Variants in COG4 observed in about 807,000 individuals in gnomAD.
The protein encoded by COG4 is conserved oligomeric Golgi complex subunit 4.
In COG4, 65 loss-of-function variants were observed where a neutral mutation model predicts 95.1. The observed-to-expected ratio is 0.68, with a 90% CI of 0.56 to 0.84. The LOEUF is 0.84. COG4 is among the 40% of genes least tolerant of loss of function. The probability of loss-of-function intolerance (pLI) is 0.00; values close to 1 mark genes in which losing one functional copy is unlikely to be tolerated. For missense variants in COG4, 1,045 were observed against 989.1 expected (o/e 1.06, Z -0.76); for synonymous variants, 421 against 374.8 (o/e 1.12, Z -1.42).
chr16:70,493,328 T>C (rs1043063443), intron 12 of COG4, among the ~76,000 whole-genome samples: 1 of 151,972 alleles, frequency 6.6e-6, no homozygotes, highest in Non-Finnish European at 1.5e-5. Flanking sequence ...ATATTCTAAC[T>C]GCACTGTCTG....
intron 8 of COG4, among the ~76,000 whole-genome samples, chr16:70,506,271 T>C (rs930949975): frequency 1.0e-4 from 15 of 150,010 alleles, no homozygotes; most frequent in Non-Finnish European, 1.9e-4. Flanking sequence ...GGCATGGTGG[T>C]GGGCGACTGT....
chr16:70,500,274 T>G (rs2049420954), intron 9 of COG4, among the ~76,000 whole-genome samples: 1 of 151,932 alleles, frequency 6.6e-6, no homozygotes, highest in South Asian at 2.1e-4. Context: ...CCAGCCCCCT[T>G]TCTTATCAAT....
chr16:70,494,533 C>G (rs2049302597), intron 12 of COG4, among the ~76,000 whole-genome samples: 1 of 152,188 alleles, frequency 6.6e-6, no homozygotes, highest in Non-Finnish European at 1.5e-5. Context: ...TCTGGGGCCT[C>G]AAACAATGAA....
At chr16:70,490,501 G>C in intron 12 of COG4, 109 bp from the exon 13 acceptor site, 1 of 890,686 alleles carries the variant, frequency 1.1e-6, no homozygotes, top group Non-Finnish European at 1.9e-6. Context: ...AGAAGGGCTG[G>C]CTGGAGTTCA....
Position 70,497,360 on chromosome 16 carries a change from C to T in COG4, c.1342G>A (p.Gly448Ser), listed in dbSNP as rs945391392. ...KAVALDTYEK[G>S]QLTSSMVDDV... ...TCCACCATGCTGGATGTCAGCTGGC[C>T]CTTCTCATAGGTGTCCAGAGCCACA... Residue 448 changes from glycine (G) to serine (S), a missense_variant, in exon 11 of 19, where the codon GGC (glycine) becomes AGC (serine). Transcript: ENST00000323786. 1 of 1,613,620 alleles carries T rather than the reference C, an allele frequency of 6.2e-7. No homozygotes were observed. The highest frequency in any genetic ancestry group is 8.5e-7 in the Non-Finnish European group (1 of 1,180,026).
intron 13 of COG4, among the ~76,000 whole-genome samples, chr16:70,486,995 CAA>C (rs72483781): frequency 3.2e-5 from 4 of 124,396 alleles, no homozygotes; most frequent in Non-Finnish European, 5.2e-5. Context: ...AACTTCATCT[CAA>C]AAAAAAAAAA....
chr16:70,497,790 C>T (rs1231314436), intron 10 of COG4, 147 bp downstream of exon 10: 5 of 762,170 alleles, frequency 6.6e-6, no homozygotes, highest in Non-Finnish European at 1.2e-5. Flanking sequence ...AAGATGCTCT[C>T]TAAACATACA....
Position 70,495,089 on chromosome 16 carries a change from G to A in COG4, c.1647+1177C>T, listed in dbSNP as rs550893909. Among the ~76,000 whole-genome samples the A allele has an allele frequency of 2.6e-5, 4 of 152,160 alleles. No homozygotes were observed. In the East Asian group the frequency reaches 5.8e-4, roughly 22 times the overall value. On this transcript the variant is annotated intron_variant, in intron 12 of 18. Coordinates refer to ENST00000323786, the MANE Select transcript of COG4 (RefSeq NM_015386.3). ...GCTCTGAACTCTTTTGGGGGTCACA[G>A]ATCCTTTTAAGAATATGATAACCAG...
chr16:70,482,184 A>G lies in COG4; in HGVS notation c.1921-9T>C, dbSNP rs374848918. The G allele has an allele frequency of 2.4e-5, 38 of 1,595,936 alleles. No individual in the cohort carries two copies. Among genetic ancestry groups the G allele is most frequent in the Non-Finnish European group, 2.9e-5 (34 of 1,163,568 alleles). Reference sequence around the variant, plus strand: ...TAGTCATTGAATTCTTCCTGTTGTCAGGAAGCAGGGCTGGTCACCATGGGC... The same window carrying G: ...TAGTCATTGAATTCTTCCTGTTGTCGGGAAGCAGGGCTGGTCACCATGGGC... On this transcript the variant is annotated splice_polypyrimidine_tract_variant and intron_variant, in intron 15 of 18. Transcript: ENST00000323786.
At chr16:70,512,734 C>G (rs1023575320) in intron 4 of COG4, among the ~76,000 whole-genome samples, 4 of 152,208 alleles carry the variant, frequency 2.6e-5, no homozygotes, top group African/African-American at 7.2e-5. Context: ...AATCCCAGCA[C>G]TTTGGAAGGC....
rs551068351 is a variant in COG4 at position 70,503,664 on chromosome 16, G to A, written c.1062-2573C>T. ...GGCTGGAGTGCAGTGGCGCTATCCC[G>A]GCTCACTGCAAGCTCCGCCTCTTGG... On this transcript the variant is annotated intron_variant, in intron 8 of 18. Transcript: ENST00000323786. Among the ~76,000 whole-genome samples, 67 of 120,540 alleles carry A rather than the reference G, an allele frequency of 5.6e-4. 1 individual carries two copies. Among genetic ancestry groups the A allele is most frequent in the Non-Finnish European group, 8.9e-4 (60 of 67,200 alleles). The allele number at this position is 120,540 out of a possible 152,430, so 79.1% of individuals were successfully genotyped here.
At position 70,520,367 on chromosome 16, in the gene COG4, CGGGGGGTGGGGGGGGG is replaced by C. The variant is rs1361842730; in HGVS notation, c.172-652_172-637del. Among the ~76,000 whole-genome samples, 7 of 17,690 alleles carry C rather than the reference CGGGGGGTGGGGGGGGG, an allele frequency of 4.0e-4. 1 individual carries two copies. The highest frequency in any genetic ancestry group is 2.4e-3 in the African/African-American group (5 of 2,090). 11.6% of individuals were successfully genotyped at this position (17,690 alleles called of 152,430 possible). On this transcript the variant is annotated intron_variant, in intron 1 of 18. Coordinates refer to ENST00000323786, the MANE Select transcript of COG4 (RefSeq NM_015386.3). ...CTGAGGCAGGAGAATGACATGAACC[CGGGGGGTGGGGGGGGG>C]GGGGGGCGGAGCTTGCAGTGAGCCG... is the stretch of plus-strand genomic sequence containing the variant.
rs565261032 is a variant in COG4, at chr16:70,483,974, G to A, written c.1711-5C>T. On this transcript the variant is annotated splice_polypyrimidine_tract_variant and splice_region_variant and intron_variant, in intron 13 of 18. Transcript: ENST00000323786. ...GAAGAGCTTGGTGCAGTCACTCTAG[G>A]GGAGAACACTGCTGTAAGACCACCG... 1.0e-5 allele frequency: 16 copies of A among 1,604,674 alleles called. No homozygotes were observed. The South Asian group carries it at 1.5e-4, about 15-fold the overall frequency.
rs893798618 is a variant in COG4, at chr16:70,480,928, C to A, written c.*82G>T. On this transcript the variant is annotated 3_prime_UTR_variant, in exon 19 of 19. Transcript: ENST00000323786. ...GCTGTCAGATCTCCCCCAAGCCAGA[C>A]AGCCTCGCTCAGCTCCTTGGCTGGG... 1.8e-5 allele frequency: 28 copies of A among 1,551,844 alleles called. No individual in the cohort carries two copies. The highest frequency in any genetic ancestry group is 1.4e-5 in the Non-Finnish European group (16 of 1,134,436).
At chr16:70,485,402 C>T (rs1302842518) in intron 13 of COG4, among the ~76,000 whole-genome samples, 1 of 151,568 alleles carries the variant, frequency 6.6e-6, no homozygotes, top group Non-Finnish European at 1.5e-5. Context: ...CAGGGTTTCA[C>T]CATGTTGGCC....
chr16:70,508,375 T>C (rs2151757533), intron 8 of COG4, 31 bp downstream of exon 8: 5 of 1,585,612 alleles, frequency 3.2e-6, no homozygotes, highest in East Asian at 4.5e-5. Flanking sequence ...TTCAAACTCC[T>C]GTGGGCTGAA....
chr16:70,516,054 A>G (rs1052357816), intron 3 of COG4: 2 of 455,850 alleles, frequency 4.4e-6, no homozygotes, highest in African/African-American at 4.0e-5. Flanking sequence ...CCACGAAAGG[A>G]TATTGAATTT....
chr16:70,492,073 G>A (rs959472437), intron 12 of COG4, among the ~76,000 whole-genome samples: 2 of 152,154 alleles, frequency 1.3e-5, no homozygotes, highest in African/African-American at 4.8e-5. Flanking sequence ...GACACTCAGA[G>A]TGACAAGGCC....
intron 8 of COG4, among the ~76,000 whole-genome samples, chr16:70,503,593 C>T (rs1314249432): frequency 9.9e-6 from 1 of 100,890 alleles, no homozygotes; most frequent in Non-Finnish European, 1.7e-5. Flanking sequence ...CTCCTACTTA[C>T]TCTTTTTTTT....
Sources: allele counts gnomAD v4.1 joint callset (sites outside exome capture counted in the v4.1 genomes callset), GRCh38; gene constraint gnomAD v4.1.1; transcripts MANE v1.5; gene names NCBI Gene and HGNC (gene_info 2026-07-23, HGNC 2026-07-21).